MKNK1: variants seen among roughly 807,000 people sequenced by gnomAD.
MKNK1 encodes MAP kinase-interacting serine/threonine-protein kinase 1.
Under a neutral mutation model 49.3 loss-of-function variants are expected in MKNK1, and 30 were observed. The ratio of observed to expected loss-of-function variants is 0.61; its 90% CI spans 0.46 to 0.83. The LOEUF (loss-of-function observed/expected upper bound fraction) is 0.83, where lower values mean the gene tolerates loss of function less well. Among genes scored for constraint, MKNK1 ranks in the 40% least tolerant of loss-of-function variants. MKNK1 has a pLI of 0.00. For synonymous variants in MKNK1, 176 were observed against 201.7 expected (o/e 0.87, Z 1.08); for missense variants, 423 against 524.7 (o/e 0.81, Z 1.89).
At chr1:46,602,359 C>T (rs1016113058) in intron 1 of MKNK1, among the ~76,000 whole-genome samples, 2 of 152,158 alleles carry the variant, frequency 1.3e-5, no homozygotes, top group African/African-American at 4.8e-5. Flanking sequence ...TTGCAGTGAG[C>T]CGAGATTGTG....
chr1:46,594,814 G>A, intron 1 of MKNK1: 1 of 401,484 alleles, frequency 2.5e-6, no homozygotes, highest in South Asian at 1.8e-5. Flanking sequence ...GGGCAACATG[G>A]TGAAACCCAT....
intron 1 of MKNK1, among the ~76,000 whole-genome samples, chr1:46,595,518 ACC>A (rs1673948124): frequency 6.6e-6 from 1 of 152,156 alleles, no homozygotes; most frequent in Non-Finnish European, 1.5e-5. Context: ...TCTTTGCATT[ACC>A]AGCATCTAAC....
chr1:46,565,632 C>G (rs1438626966), intron 8 of MKNK1, among the ~76,000 whole-genome samples: 2 of 152,164 alleles, frequency 1.3e-5, no homozygotes, highest in Non-Finnish European at 2.9e-5. Flanking sequence ...TCCAGGAAAC[C>G]CCTCAAGCCT....
chr1:46,563,624 A>C (rs1668439709), intron 9 of MKNK1: 1 of 152,248 alleles, frequency 6.6e-6, no homozygotes, highest in South Asian at 2.1e-4. Flanking sequence ...GTCAATTAGA[A>C]TTAATGACTT....
intron 1 of MKNK1, among the ~76,000 whole-genome samples, chr1:46,603,278 G>A (rs1379124407): frequency 4.6e-5 from 7 of 152,168 alleles, no homozygotes; most frequent in Non-Finnish European, 5.9e-5. Context: ...TGTGCCTGGC[G>A]CATGGGCAGT....
chr1:46,580,264 A>G (rs1294777962), intron 4 of MKNK1, among the ~76,000 whole-genome samples: 2 of 152,258 alleles, frequency 1.3e-5, no homozygotes, highest in African/African-American at 4.8e-5. Flanking sequence ...TGTGCTAAGC[A>G]CTTTACCTAT....
chr1:46,572,663 C>T (rs1670370913), intron 6 of MKNK1, among the ~76,000 whole-genome samples: 1 of 152,064 alleles, frequency 6.6e-6, no homozygotes, highest in Non-Finnish European at 1.5e-5. Context: ...GTCTGTTAAA[C>T]AAAACTGGAC....
At chr1:46,602,820 A>C (rs2148790756) in intron 1 of MKNK1, among the ~76,000 whole-genome samples, 1 of 152,312 alleles carries the variant, frequency 6.6e-6, no homozygotes, top group Non-Finnish European at 1.5e-5. Context: ...CAGGAAGAGC[A>C]CAAGGGCACC....
At chr1:46,583,651 A>G (rs931685522) in intron 2 of MKNK1, among the ~76,000 whole-genome samples, 10 of 152,176 alleles carry the variant, frequency 6.6e-5, no homozygotes, top group Non-Finnish European at 1.3e-4. Flanking sequence ...CCCAAACAGA[A>G]CAATGACTCC....
intron 5 of MKNK1, chr1:46,575,464 G>T (rs1367660162): frequency 1.3e-5 from 2 of 157,908 alleles, no homozygotes; most frequent in African/African-American, 4.8e-5. Context: ...ATTGCCTGGA[G>T]AAAATGGAAA....
chr1:46,580,516 G>A lies in MKNK1; in HGVS notation c.198+14C>T. Reference sequence around the variant, plus strand: ...TTTGCAAAGTAAAGCCTGGCATTCAGCTGAGACACTCACTTTGACGGCATA... The same window carrying A: ...TTTGCAAAGTAAAGCCTGGCATTCAACTGAGACACTCACTTTGACGGCATA... On this transcript the variant is annotated intron_variant, in intron 4 of 12. Transcript: ENST00000371945. 1 of 1,582,734 alleles carries A rather than the reference G, an allele frequency of 6.3e-7. No homozygotes were observed. The highest frequency in any genetic ancestry group is 1.3e-5 in the African/African-American group (1 of 74,402).
intron 1 of MKNK1, among the ~76,000 whole-genome samples, chr1:46,603,144 G>C (rs970019568): frequency 6.6e-6 from 1 of 152,178 alleles, no homozygotes; most frequent in Non-Finnish European, 1.5e-5. Context: ...CCCAACCCTG[G>C]ATTTCCTCTT....
intron 2 of MKNK1, among the ~76,000 whole-genome samples, chr1:46,590,888 C>T (rs1385066148): frequency 6.6e-6 from 1 of 152,250 alleles, no homozygotes; most frequent in Non-Finnish European, 1.5e-5. Flanking sequence ...ATTATTACCA[C>T]ATTATCATCG....
intron 4 of MKNK1, among the ~76,000 whole-genome samples, chr1:46,580,195 A>G (rs143068514): frequency 2.0e-5 from 3 of 152,176 alleles, no homozygotes; most frequent in African/African-American, 7.2e-5. Flanking sequence ...CTGGTTGTCC[A>G]CTCCCTGAAG....
In MKNK1 at chr1:46,594,297, T is replaced by C; in HGVS notation, c.-170-17A>G. The C allele has an allele frequency of 2.9e-6, 2 of 700,764 alleles. No homozygotes were observed. The highest frequency in any genetic ancestry group is 5.2e-6 in the Non-Finnish European group (2 of 384,724). The allele number at this position is 700,764 out of a possible 1,614,324, so 43.4% of individuals were successfully genotyped here. On this transcript the variant is annotated splice_polypyrimidine_tract_variant and intron_variant, in intron 1 of 12. Transcript: ENST00000371945. The stretch of plus-strand genomic sequence containing the variant: ...CATGGAAACCTTGAAAAAGCAGAAA[T>C]AGAAAGGAAATCAAAATGCTGACTT...
At chr1:46,600,016 C>T (rs1256067943) in intron 1 of MKNK1, among the ~76,000 whole-genome samples, 3 of 152,134 alleles carry the variant, frequency 2.0e-5, no homozygotes. Context: ...CACACCCCTA[C>T]ACCTGAGCAT....
chr1:46,582,831 T>G, intron 3 of MKNK1: 1 of 464,514 alleles, frequency 2.2e-6, no homozygotes, highest in African/African-American at 2.0e-5. Context: ...TGAAGTTTCA[T>G]TTGCGGCCAT....
intron 2 of MKNK1, chr1:46,585,983 G>A (rs1438977788): frequency 7.7e-7 from 1 of 1,300,408 alleles, no homozygotes; most frequent in Admixed American, 2.0e-5. Flanking sequence ...AACTAGGAAG[G>A]AAAAAATGTA....
Position 46,561,482 on chromosome 1 carries a change from T to G in MKNK1, c.965A>C (p.Gln322Pro), listed in dbSNP as rs1333481131. 1 of 1,611,496 alleles carries G rather than the reference T, an allele frequency of 6.2e-7. No individual in the cohort carries two copies. Among genetic ancestry groups the G allele is most frequent in the Admixed American group, 1.7e-5 (1 of 59,838 alleles). Residue 322 changes from glutamine (Q) to proline (P), a missense_variant, in exon 11 of 13, where the codon CAG (glutamine) becomes CCG (proline). Coordinates refer to ENST00000371945, the MANE Select transcript of MKNK1 (RefSeq NM_001135553.4). ...AAQVLQHPWV[Q>P]GQAPEKGLPT... Reference sequence around the variant, plus strand: ...CCCCTCCCTGGAGTCACTCACCCCCTGCACCCATGGGTGCTGCAGAACTTG... The same window carrying G: ...CCCCTCCCTGGAGTCACTCACCCCCGGCACCCATGGGTGCTGCAGAACTTG...
Sources: allele counts gnomAD v4.1 joint callset (sites outside exome capture counted in the v4.1 genomes callset), GRCh38; gene constraint gnomAD v4.1.1; transcripts MANE v1.5; gene names NCBI Gene and HGNC (gene_info 2026-07-23, HGNC 2026-07-21).